The following GYS2 variants were observed in gnomAD, a reference collection of about 807,000 sequenced individuals.
GYS2 encodes the protein glycogen [starch] synthase, liver.
In GYS2, 80 loss-of-function variants were observed where a neutral mutation model predicts 85.6. The ratio of observed to expected loss-of-function variants is 0.93; its 90% CI spans 0.78 to 1.13. GYS2 has a LOEUF of 1.13. Among genes scored for constraint, GYS2 ranks in the 50% most tolerant of loss-of-function variants. The probability of loss-of-function intolerance (pLI) is 0.00; values close to 1 mark genes in which losing one functional copy is unlikely to be tolerated. For synonymous variants in GYS2, 328 were observed against 300.7 expected, an observed-to-expected ratio of 1.09 and a Z score of -0.94; for missense variants, 881 against 854.9, an observed-to-expected ratio of 1.03 and a Z score of -0.38.
At chr12:21,579,714 C>A (rs1464735694) in intron 2 of GYS2, among the ~76,000 whole-genome samples, 1 of 152,154 alleles carries the variant, frequency 6.6e-6, no homozygotes, top group Non-Finnish European at 1.5e-5. Context: ...CTTCCTCCAT[C>A]TGCAAAGTAG....
chr12:21,552,775 T>C (rs955358871), intron 11 of GYS2, among the ~76,000 whole-genome samples: 2 of 152,228 alleles, frequency 1.3e-5, no homozygotes, highest in African/African-American at 4.8e-5. Flanking sequence ...CCTCTACTTT[T>C]TTTCTCTGCC....
intron 1 of GYS2, among the ~76,000 whole-genome samples, chr12:21,589,038 A>G (rs975900333): frequency 6.6e-6 from 1 of 152,232 alleles, no homozygotes; most frequent in South Asian, 2.1e-4. Flanking sequence ...CATCTTTTCC[A>G]GGAGAATATA....
chr12:21,549,063 G>A (rs935158846), intron 11 of GYS2, among the ~76,000 whole-genome samples: 1 of 150,612 alleles, frequency 6.6e-6, no homozygotes, highest in Non-Finnish European at 1.5e-5. Context: ...GCCTTAAAAT[G>A]TGTTGTACCT....
chr12:21,570,354 T>C (rs1273934111), intron 4 of GYS2, among the ~76,000 whole-genome samples: 2 of 152,168 alleles, frequency 1.3e-5, no homozygotes, highest in African/African-American at 2.4e-5. Flanking sequence ...GGAAAATGGA[T>C]TAAAAACAGG....
At chr12:21,551,499 C>A (rs1777868151) in intron 11 of GYS2, among the ~76,000 whole-genome samples, 1 of 136,610 alleles carries the variant, frequency 7.3e-6, no homozygotes, top group Non-Finnish European at 1.6e-5. Flanking sequence ...ATAATCTTAT[C>A]ATATGCCAAG....
chr12:21,597,355 GT>G (rs936012912), intron 1 of GYS2, among the ~76,000 whole-genome samples: 2 of 151,858 alleles, frequency 1.3e-5, no homozygotes, highest in African/African-American at 4.8e-5. Context: ...CAACTCAACA[GT>G]GGAAAAACAA....
chr12:21,566,302 A>C (rs1287538840), intron 5 of GYS2, among the ~76,000 whole-genome samples: 1 of 151,754 alleles, frequency 6.6e-6, no homozygotes, highest in Non-Finnish European at 1.5e-5. Flanking sequence ...ATCGGGGAAG[A>C]CTTCAAGAAA....
At chr12:21,542,931 A>G (rs1302061587) in intron 12 of GYS2, among the ~76,000 whole-genome samples, 4 of 152,186 alleles carry the variant, frequency 2.6e-5, no homozygotes, top group Non-Finnish European at 5.9e-5. Context: ...GCTCCACTGC[A>G]GCTTCAATCC....
intron 1 of GYS2, among the ~76,000 whole-genome samples, chr12:21,589,082 G>A (rs572586971): frequency 6.6e-6 from 1 of 152,220 alleles, no homozygotes; most frequent in African/African-American, 2.4e-5. Context: ...TTTATTAGAT[G>A]TTTTATTTAC....
At chr12:21,579,935 C>G (rs1170865359) in intron 2 of GYS2, among the ~76,000 whole-genome samples, 2 of 152,198 alleles carry the variant, frequency 1.3e-5, no homozygotes, top group Non-Finnish European at 2.9e-5. Context: ...GGTTGTACAT[C>G]ATTAGCTTTG....
chr12:21,580,508 G>A lies in GYS2; in HGVS notation c.137C>T (p.Thr46Ile). 6.2e-7 allele frequency: 1 copy of A among 1,612,852 alleles called. No homozygotes were observed. The highest frequency in any genetic ancestry group is 8.5e-7 in the Non-Finnish European group (1 of 1,179,182). ...TGTTTTGGCCTTTGTCTGAATCACAGTATAGATGCCTCCAACTGTTAAAAG... is the reference window on the plus strand; with the variant it reads ...TGTTTTGGCCTTTGTCTGAATCACAATATAGATGCCTCCAACTGTTAAAAG... ...EVTNKVGGIYTVIQTKAKTTA... is the reference protein window; with the variant it reads ...EVTNKVGGIYIVIQTKAKTTA... Residue 46 changes from threonine to isoleucine, a missense_variant, in exon 2 of 16, where the codon ACT becomes ATT. Coordinates refer to ENST00000261195, the MANE Select transcript of GYS2 (RefSeq NM_021957.4).
At chr12:21,576,998 A>G (rs16924045) in intron 2 of GYS2, among the ~76,000 whole-genome samples, 3,934 of 152,172 alleles carry the variant, frequency 0.026, 177 homozygotes, top group African/African-American at 0.089. Flanking sequence ...ATTGACACTT[A>G]TGACTCCACC....
chr12:21,562,918 C>T lies in GYS2; in HGVS notation c.1062G>A (p.Arg354=). The change falls in exon 7 of 16, where the codon AGG becomes AGA. Residue 354 remains arginine (R), a splice_region_variant and synonymous_variant. Transcript: ENST00000261195. The part of the protein sequence containing the change: ...ESLSRLNFLL[R]MHKSDITVMV... The stretch of plus-strand genomic sequence containing the variant: ...ATACCATGTCCTAGAGCTTTCTTAC[C>T]CTCAGCAGGAAATTTAGCCTGGATA... 6.2e-7 allele frequency: 1 copy of T among 1,612,148 alleles called. No homozygotes were observed. Among genetic ancestry groups the T allele is most frequent in the Non-Finnish European group, 8.5e-7 (1 of 1,178,390 alleles).
At chr12:21,604,376 T>A in intron 1 of GYS2, 96 bp downstream of exon 1, 1 of 808,894 alleles carries the variant, frequency 1.2e-6, no homozygotes, top group Non-Finnish European at 2.2e-6. Flanking sequence ...TCACTAGCAA[T>A]TGGTTATCAC....
chr12:21,600,009 C>T (rs1325589528), intron 1 of GYS2, among the ~76,000 whole-genome samples: 2 of 152,138 alleles, frequency 1.3e-5, no homozygotes, highest in Non-Finnish European at 2.9e-5. Flanking sequence ...TAAATCTCAA[C>T]ATTACCCAGG....
At chr12:21,598,539 T>C (rs1296163433) in intron 1 of GYS2, among the ~76,000 whole-genome samples, 4 of 152,118 alleles carry the variant, frequency 2.6e-5, no homozygotes, top group Non-Finnish European at 4.4e-5. Flanking sequence ...CTTTGTGCTA[T>C]AGTTTACCTC....
In GYS2 at chr12:21,563,358, A is replaced by C; in HGVS notation, c.824-13T>G. 1 of 1,281,836 alleles carries C rather than the reference A, an allele frequency of 7.8e-7. No individual in the cohort carries two copies. The highest frequency in any genetic ancestry group is 1.1e-6 in the Non-Finnish European group (1 of 876,524). The allele number at this position is 1,281,836 out of a possible 1,614,324, so 79.4% of individuals were successfully genotyped here. On this transcript the variant is annotated splice_polypyrimidine_tract_variant and intron_variant, in intron 5 of 15. Coordinates refer to ENST00000261195, the MANE Select transcript of GYS2 (RefSeq NM_021957.4). ...GGAGTAACTACATCTAGAAAGGCAA[A>C]ACAAAATTATTATGAAAATTCTCTT...
Position 21,542,505 on chromosome 12 carries a change from T to C in GYS2, c.1636A>G (p.Thr546Ala), listed in dbSNP as rs61733199. 27,732 of 1,605,770 alleles carry C rather than the reference T, an allele frequency of 0.017. 312 individuals carry two copies. The highest frequency in any genetic ancestry group is 0.019 in the Non-Finnish European group (22,058 of 1,172,320). The change falls in exon 13 of 16, where the codon ACT becomes GCT. Residue 546 changes from threonine (T) to alanine (A), a missense_variant. Coordinates refer to ENST00000261195, the MANE Select transcript of GYS2 (RefSeq NM_021957.4). The part of the protein sequence containing the change: ...CFMQEHVADP[T>A]AYGIYIVDRR... ...TGATGAAAACCCTCACCGTAAGCAG[T>C]AGGATCAGCCACGTGCTCCTGCATG...
In GYS2 at chr12:21,546,418, T is replaced by A. The variant is rs1064793142; in HGVS notation, c.1475A>T (p.Asp492Val). 6.3e-7 allele frequency: 1 copy of A among 1,597,636 alleles called. No homozygotes were observed. The highest frequency in any genetic ancestry group is 1.3e-5 in the African/African-American group (1 of 74,538). The change falls in exon 12 of 16, where the codon GAC becomes GTC. Residue 492 changes from aspartate (D) to valine (V), a missense_variant. Transcript: ENST00000261195. ...ACAACCTCTAACAAACTCTTCATAG[T>A]CCATGGGTAGTAAGGGACTGGTGGA... The part of the protein sequence containing the change: ...LSSTSPLLPM[D>V]YEEFVRGCHL...
Sources: gnomAD v4.1 joint callset for allele counts (sites outside exome capture counted in the v4.1 genomes callset) on GRCh38, gnomAD v4.1.1 for gene constraint, MANE v1.5 for transcripts, NCBI Gene and HGNC (gene_info 2026-07-23, HGNC 2026-07-21) for gene names.